NKAIN2: variants seen among roughly 807,000 people sequenced by gnomAD.
NKAIN2 encodes the protein sodium/potassium transporting ATPase interacting 2.
In NKAIN2, 14 loss-of-function variants were observed where a neutral mutation model predicts 32.6. The observed-to-expected ratio is 0.43, with a 90% confidence interval of 0.28 to 0.67. NKAIN2 has a LOEUF of 0.67. NKAIN2 is among the 30% of genes least tolerant of loss of function. The pLI is 0.17. For missense variants in NKAIN2, 198 were observed against 258.3 expected (o/e 0.77, Z 1.60); for synonymous variants, 80 against 87.2 (o/e 0.92, Z 0.46).
Position 124,800,159 on chromosome 6 carries a change from C to T in NKAIN2, c.535+8760C>T, listed in dbSNP as rs116775670. Among the ~76,000 whole-genome samples, 852 of 152,298 alleles carry T rather than the reference C, an allele frequency of 5.6e-3. 5 individuals are homozygous for T. The highest frequency in any genetic ancestry group is 0.02 in the African/African-American group (815 of 41,556). ...ATGACATTCAAAGTTAGTCTCTTGA[C>T]GAATGATGCTGGCCGGTGCCCACTT... On this transcript the variant is annotated intron_variant, in intron 5 of 6. Transcript: ENST00000368417.
chr6:124,198,140 T>C (rs1328210866), intron 1 of NKAIN2, among the ~76,000 whole-genome samples: 1 of 152,030 alleles, frequency 6.6e-6, no homozygotes, highest in African/African-American at 2.4e-5. Flanking sequence ...ACTCTAGATA[T>C]AGGCTGTTTT....
chr6:124,514,991 T>C (rs920583252), intron 3 of NKAIN2, among the ~76,000 whole-genome samples: 1 of 152,166 alleles, frequency 6.6e-6, no homozygotes, highest in African/African-American at 2.4e-5. Flanking sequence ...TTTTTAAATA[T>C]GTCAAACTTT....
chr6:124,657,173 A>G (rs1021585397), intron 3 of NKAIN2, among the ~76,000 whole-genome samples: 1 of 152,208 alleles, frequency 6.6e-6, no homozygotes, highest in Non-Finnish European at 1.5e-5. Context: ...CGTTATCTGT[A>G]CAGGGTCTGC....
chr6:124,345,512 T>G (rs1455011348), intron 2 of NKAIN2, among the ~76,000 whole-genome samples: 2 of 151,918 alleles, frequency 1.3e-5, no homozygotes, highest in Admixed American at 6.6e-5. Context: ...CAATTTCAGA[T>G]CCTGTTATTG....
chr6:124,017,230 TG>T (rs1780616585), intron 1 of NKAIN2, among the ~76,000 whole-genome samples: 1 of 152,086 alleles, frequency 6.6e-6, no homozygotes, highest in Non-Finnish European at 1.5e-5. Flanking sequence ...GAGAACAGTA[TG>T]GGAAAGACCC....
At chr6:124,431,717 A>T (rs544190454) in intron 3 of NKAIN2, among the ~76,000 whole-genome samples, 2 of 152,274 alleles carry the variant, frequency 1.3e-5, no homozygotes, top group South Asian at 2.1e-4. Context: ...AGATACTGCC[A>T]TCTCAGAGAT....
chr6:123,830,669 T>TG (rs528451095), intron 1 of NKAIN2, among the ~76,000 whole-genome samples: 87 of 152,354 alleles, frequency 5.7e-4, no homozygotes, highest in African/African-American at 2.1e-3. Context: ...ATTTCTCTTT[T>TG]GTAGCATTTA....
chr6:124,347,597 A>G lies in NKAIN2; in HGVS notation c.193-7670A>G, dbSNP rs368574190. Among the ~76,000 whole-genome samples, 34 of 152,156 alleles carry G rather than the reference A, an allele frequency of 2.2e-4. No individual in the cohort carries two copies. The East Asian group carries it at 6.0e-3, about 27-fold the overall frequency. On this transcript the variant is annotated intron_variant, in intron 2 of 6. Coordinates refer to ENST00000368417, the MANE Select transcript of NKAIN2 (RefSeq NM_001040214.3). ...CATTTCATTCATTTCATCTTCCGTC[A>G]CTGATACCCTTTCTTCCAGTTGATC...
chr6:124,533,471 CAAA>C lies in NKAIN2; in HGVS notation c.274-124697_274-124695del, dbSNP rs201100605. 1.5e-4 allele frequency among the ~76,000 whole-genome samples: 9 copies of C among 58,970 alleles called. 1 individual carries two copies. In the South Asian group the frequency reaches 2.6e-3, roughly 17 times the overall value. The allele number at this position is 58,970 out of a possible 152,430, so 38.7% of individuals were successfully genotyped here. A position where few individuals can be genotyped will look rare whatever the true frequency, so the allele number is the denominator to read the frequency against. Reference sequence around the variant, plus strand: ...TGGGTGACAGAGCAAGACTCTGTCTCAAAAAAAAAAAAAAAAAAAATCCTGCTG... The same window carrying C: ...TGGGTGACAGAGCAAGACTCTGTCTCAAAAAAAAAAAAAAAAATCCTGCTG... On this transcript the variant is annotated intron_variant, in intron 3 of 6. Transcript: ENST00000368417.
At chr6:124,599,819 G>A (rs1782239723) in intron 3 of NKAIN2, among the ~76,000 whole-genome samples, 1 of 151,986 alleles carries the variant, frequency 6.6e-6, no homozygotes, top group Non-Finnish European at 1.5e-5. Context: ...CATGACCAAG[G>A]GTGATGATAA....
chr6:124,639,355 G>C (rs1783899138), intron 3 of NKAIN2, among the ~76,000 whole-genome samples: 2 of 152,146 alleles, frequency 1.3e-5, no homozygotes, highest in Admixed American at 1.3e-4. Context: ...AGAAAATACG[G>C]TGTATATAGG....
intron 3 of NKAIN2, among the ~76,000 whole-genome samples, chr6:124,507,812 A>G (rs536455267): frequency 1.3e-5 from 2 of 152,338 alleles, no homozygotes; most frequent in South Asian, 4.1e-4. Flanking sequence ...ACCCGGGGAC[A>G]TAATAGAAAG....
intron 1 of NKAIN2, among the ~76,000 whole-genome samples, chr6:124,166,379 G>T (rs1301065110): frequency 2.0e-5 from 3 of 151,916 alleles, no homozygotes; most frequent in Admixed American, 1.3e-4. Context: ...TTTTTTTCTT[G>T]TAAATTGGTT....
At chr6:124,535,233 G>A (rs1779672927) in intron 3 of NKAIN2, among the ~76,000 whole-genome samples, 1 of 152,198 alleles carries the variant, frequency 6.6e-6, no homozygotes, top group African/African-American at 2.4e-5. Context: ...CTGCCTTAAG[G>A]CAAGGATCAT....
At chr6:123,833,691 CTGTGTGTGTG>C (rs59906355) in intron 1 of NKAIN2, among the ~76,000 whole-genome samples, 8 of 129,546 alleles carry the variant, frequency 6.2e-5, no homozygotes, top group South Asian at 5.2e-4. Flanking sequence ...ATTTTTTTTC[CTGTGTGTGTG>C]TGTGTGTGTG....
chr6:124,050,940 T>C (rs1472164510), intron 1 of NKAIN2, among the ~76,000 whole-genome samples: 1 of 152,076 alleles, frequency 6.6e-6, no homozygotes. Flanking sequence ...TTATTCCTTT[T>C]GTTTTTCAAA....
chr6:124,527,280 A>G (rs1182738524), intron 3 of NKAIN2, among the ~76,000 whole-genome samples: 1 of 152,180 alleles, frequency 6.6e-6, no homozygotes, highest in Non-Finnish European at 1.5e-5. Flanking sequence ...GCAAAACACC[A>G]CATAACATTT....
chr6:123,805,501 A>G (rs1381072260), intron 1 of NKAIN2, among the ~76,000 whole-genome samples: 1 of 152,196 alleles, frequency 6.6e-6, no homozygotes, highest in Non-Finnish European at 1.5e-5. Context: ...GATGGTGTCT[A>G]TTTTGATCTG....
chr6:124,780,678 G>A (rs1027110518), intron 4 of NKAIN2, among the ~76,000 whole-genome samples: 1 of 152,136 alleles, frequency 6.6e-6, no homozygotes. Context: ...AAGAGTTATC[G>A]TTTAGATTTT....
Sources: allele counts gnomAD v4.1 joint callset (sites outside exome capture counted in the v4.1 genomes callset), GRCh38; gene constraint gnomAD v4.1.1; transcripts MANE v1.5; gene names NCBI Gene and HGNC (gene_info 2026-07-23, HGNC 2026-07-21).